Variants in PTPRJ observed in about 807,000 individuals in gnomAD.
PTPRJ encodes the protein protein tyrosine phosphatase receptor type J.
PTPRJ carries 129 observed loss-of-function variants against 141.3 expected under a neutral mutation model. The ratio of observed to expected loss-of-function variants is 0.91; its 90% CI spans 0.79 to 1.06. The LOEUF (loss-of-function observed/expected upper bound fraction) is 1.06, where lower values mean the gene tolerates loss of function less well. PTPRJ is among the 50% of genes least tolerant of loss of function. The pLI is 0.00. For missense variants in PTPRJ, 1,601 were observed against 1,679.7 expected (o/e 0.95, Z 0.82); for synonymous variants, 610 against 640.5 (o/e 0.95, Z 0.72).
chr11:48,108,694 C>T (rs1856360829), intron 1 of PTPRJ, among the ~76,000 whole-genome samples: 1 of 152,158 alleles, frequency 6.6e-6, no homozygotes, highest in African/African-American at 2.4e-5. Context: ...TCCTATGATC[C>T]ATCCTAGACT....
chr11:48,159,823 A>G, intron 21 of PTPRJ, 107 bp from the exon 22 acceptor site: 1 of 1,425,550 alleles, frequency 7.0e-7, no homozygotes, highest in East Asian at 2.3e-5. Context: ...AGAAGGTCTG[A>G]TTCCATCTCT....
intron 1 of PTPRJ, among the ~76,000 whole-genome samples, chr11:48,056,776 A>C (rs1854762286): frequency 6.6e-6 from 1 of 152,166 alleles, no homozygotes; most frequent in Non-Finnish European, 1.5e-5. Context: ...AAAATGGTGA[A>C]ACCCCGTCTC....
chr11:47,984,895 C>T (rs188233382), intron 1 of PTPRJ, among the ~76,000 whole-genome samples: 57 of 144,872 alleles, frequency 3.9e-4, no homozygotes, highest in African/African-American at 1.4e-3. Flanking sequence ...GCTCTGTTGC[C>T]AGGCTGGAGT....
chr11:47,993,948 CCTCCTGGGTTCAAGCAGTT>C (rs1188885592), intron 1 of PTPRJ, among the ~76,000 whole-genome samples: 3 of 151,822 alleles, frequency 2.0e-5, no homozygotes, highest in African/African-American at 7.3e-5. Context: ...CCTGCCTCTG[CCTCCTGGGTTCAAGCAGTT>C]CTCCTGCCTC....
chr11:48,112,731 T>C lies in PTPRJ; in HGVS notation c.116-16T>C. The stretch of plus-strand genomic sequence containing the variant: ...GAAATATATTTTTAATCTAATTGTT[T>C]ACTTTCTTTGCATAGCCCCTAGTCC... On this transcript the variant is annotated splice_polypyrimidine_tract_variant and intron_variant, in intron 2 of 24. Coordinates refer to ENST00000418331, the MANE Select transcript of PTPRJ (RefSeq NM_002843.4). 1 of 1,561,954 alleles carries C rather than the reference T, an allele frequency of 6.4e-7. No individual in the cohort carries two copies. The highest frequency in any genetic ancestry group is 8.8e-7 in the Non-Finnish European group (1 of 1,133,360).
At chr11:48,091,190 G>A (rs1017206391) in intron 1 of PTPRJ, among the ~76,000 whole-genome samples, 4 of 152,156 alleles carry the variant, frequency 2.6e-5, no homozygotes, top group Admixed American at 6.5e-5. Context: ...CTGCAGGCGA[G>A]TTGTCTGGTC....
intron 1 of PTPRJ, among the ~76,000 whole-genome samples, chr11:47,985,286 T>C (rs1350742751): frequency 1.3e-5 from 2 of 152,112 alleles, no homozygotes; most frequent in African/African-American, 4.8e-5. Context: ...TATCTGGGAC[T>C]AAAGGCGTGT....
In PTPRJ at chr11:48,145,055, A is replaced by C. The variant is rs766216719; in HGVS notation, c.2842A>C (p.Ile948Leu). 2 of 1,614,178 alleles carry C rather than the reference A, an allele frequency of 1.2e-6. No individual in the cohort carries two copies. The highest frequency in any genetic ancestry group is 1.7e-6 in the Non-Finnish European group (2 of 1,180,022). The change falls in exon 14 of 25, where the codon ATT (isoleucine) becomes CTT (leucine). Residue 948 changes from isoleucine (I) to leucine (L), a missense_variant. By Grantham distance (5) the Ile-to-Leu change is conservative. Coordinates refer to ENST00000418331, the MANE Select transcript of PTPRJ (RefSeq NM_002843.4). Reference protein sequence around the residue: ...ITFHPQNKGLIDGAESYVSFS... With the variant: ...ITFHPQNKGLLDGAESYVSFS... ...CTTCCACCCTCAAAACAAGGGGCTC[A>C]TTGATGGGGCTGAGAGCTATGTGTC...
chr11:48,039,573 T>C (rs1260141203), intron 1 of PTPRJ, among the ~76,000 whole-genome samples: 2 of 152,020 alleles, frequency 1.3e-5, no homozygotes, highest in East Asian at 3.9e-4. Flanking sequence ...TATTGACTTA[T>C]TGAATTGATC....
At position 48,163,593 on chromosome 11, in the gene PTPRJ, G is replaced by T; in HGVS notation, c.3694G>T (p.Glu1232Ter). Residue 1232 changes from glutamate (E) to a stop codon, truncating the protein, a stop_gained, in exon 23 of 25, where the codon GAA becomes TAA. Coordinates refer to ENST00000418331, the MANE Select transcript of PTPRJ (RefSeq NM_002843.4). LOFTEE classifies it high-confidence loss of function. ...VRDYMKQSPP[E>*]SPILVHCSAG... is the part of the protein sequence containing the mutation. ...TGACTACATGAAGCAGAGTCCTCCC[G>T]AATCGCCGATTCTGGTGCATTGCAG... 1.2e-6 allele frequency: 2 copies of T among 1,613,958 alleles called. No homozygotes were observed. Among genetic ancestry groups the T allele is most frequent in the Non-Finnish European group, 1.7e-6 (2 of 1,179,828 alleles).
chr11:47,985,792 C>G (rs1854034846), intron 1 of PTPRJ, among the ~76,000 whole-genome samples: 2 of 152,082 alleles, frequency 1.3e-5, no homozygotes, highest in Admixed American at 6.5e-5. Context: ...CCTCCATCTC[C>G]CGGGTTCAAG....
At chr11:48,141,470 T>C (rs1857227430) in intron 11 of PTPRJ, among the ~76,000 whole-genome samples, 1 of 152,156 alleles carries the variant, frequency 6.6e-6, no homozygotes, top group African/African-American at 2.4e-5. Context: ...GGGGACTGTT[T>C]ATGAAGAACA....
intron 1 of PTPRJ, among the ~76,000 whole-genome samples, chr11:48,077,545 C>T (rs1855437943): frequency 6.6e-6 from 1 of 152,202 alleles, no homozygotes; most frequent in African/African-American, 2.4e-5. Context: ...TACTCTGTGT[C>T]TCAGCACCAT....
chr11:48,015,769 T>C (rs1854933383), intron 1 of PTPRJ: 1 of 147,430 alleles, frequency 6.8e-6, no homozygotes, highest in African/African-American at 2.5e-5. Context: ...GAGAATCCCT[T>C]GAACCTGGTG....
At chr11:47,989,081 C>T (rs1295226481) in intron 1 of PTPRJ, among the ~76,000 whole-genome samples, 3 of 149,710 alleles carry the variant, frequency 2.0e-5, no homozygotes, top group Admixed American at 2.0e-4. Flanking sequence ...GACGAGGTTT[C>T]ACCGTGTTAG....
At chr11:48,131,324 C>T (rs1416958795) in intron 8 of PTPRJ, among the ~76,000 whole-genome samples, 1 of 152,064 alleles carries the variant, frequency 6.6e-6, no homozygotes, top group Admixed American at 6.6e-5. Context: ...CTCAAATGAT[C>T]TGCCCACCTC....
rs771594321 is a variant in PTPRJ at position 48,139,667 on chromosome 11, G to A, written c.2334G>A (p.Thr778=). Residue 778 remains threonine (T), a synonymous_variant, in exon 11 of 25, where the codon ACG becomes ACA. Coordinates refer to ENST00000418331, the MANE Select transcript of PTPRJ (RefSeq NM_002843.4). ...CSSENGTEYR[T]EVTYLNFSTS... is the part of the protein sequence containing the mutation. ...CTGAGAATGGCACTGAGTATAGAAC[G>A]GAAGTCACGTATTTGAATTTTTCTA... The A allele has an allele frequency of 3.1e-6, 5 of 1,614,190 alleles. No individual in the cohort carries two copies. The highest frequency in any genetic ancestry group is 2.2e-5 in the South Asian group (2 of 91,080).
At chr11:48,148,518 A>G (rs1052084994) in intron 15 of PTPRJ, among the ~76,000 whole-genome samples, 4 of 151,708 alleles carry the variant, frequency 2.6e-5, no homozygotes, top group Non-Finnish European at 5.9e-5. Flanking sequence ...GCTCACTGCA[A>G]CCTCTGCCTC....
chr11:48,075,961 A>C (rs1855388242), intron 1 of PTPRJ, among the ~76,000 whole-genome samples: 1 of 152,102 alleles, frequency 6.6e-6, no homozygotes, highest in South Asian at 2.1e-4. Flanking sequence ...TTCCCAGCTA[A>C]AGTCCTGGTC....
Sources: allele counts gnomAD v4.1 joint callset (sites outside exome capture counted in the v4.1 genomes callset), GRCh38; gene constraint gnomAD v4.1.1; transcripts MANE v1.5; gene names NCBI Gene and HGNC (gene_info 2026-07-23, HGNC 2026-07-21).